The following CNTN6 variants were observed in gnomAD, a reference collection of about 807,000 sequenced individuals.
CNTN6 encodes the protein contactin-6.
Under a neutral mutation model 122.8 loss-of-function variants are expected in CNTN6, and 137 were observed. The observed-to-expected ratio is 1.12, with a 90% CI of 0.97 to 1.29. The LOEUF is 1.29. Ranked by LOEUF, CNTN6 falls within the 50% of genes most tolerant of loss-of-function variation. CNTN6 has a pLI of 0.00. For synonymous variants in CNTN6, 570 were observed against 426.0 expected (o/e 1.34, Z -4.16); for missense variants, 1,634 against 1,223.4 (o/e 1.34, Z -5.01).
At chr3:1,362,454 T>A (rs1707601473) in intron 12 of CNTN6, among the ~76,000 whole-genome samples, 1 of 152,076 alleles carries the variant, frequency 6.6e-6, no homozygotes, top group Admixed American at 6.6e-5. Flanking sequence ...AGAAAGGAAA[T>A]GGCATCTGTT....
At chr3:1,380,868 A>G (rs761935353) in intron 17 of CNTN6, among the ~76,000 whole-genome samples, 1 of 152,154 alleles carries the variant, frequency 6.6e-6, no homozygotes, top group African/African-American at 2.4e-5. Context: ...TAGTTTATCA[A>G]TTTTCATAGA....
At chr3:1,385,843 C>A (rs749497813) in intron 20 of CNTN6, 46 bp downstream of exon 20, 1 of 1,465,916 alleles carries the variant, frequency 6.8e-7, no homozygotes, top group Non-Finnish European at 9.2e-7. Flanking sequence ...CTGTGAAGAG[C>A]AACCTATTCC....
intron 2 of CNTN6, among the ~76,000 whole-genome samples, chr3:1,157,222 T>A (rs1348565300): frequency 3.6e-4 from 36 of 99,642 alleles, no homozygotes; most frequent in Non-Finnish European, 4.0e-5. Flanking sequence ...ATTTATTTAA[T>A]TTATTTATTT....
At chr3:1,241,572 C>G (rs1575378453) in intron 4 of CNTN6, among the ~76,000 whole-genome samples, 1 of 152,070 alleles carries the variant, frequency 6.6e-6, no homozygotes, top group Admixed American at 6.6e-5. Context: ...TATTAAAGGA[C>G]TAAGAATTGG....
At chr3:1,349,623 A>G (rs773935820) in intron 11 of CNTN6, among the ~76,000 whole-genome samples, 48 of 151,858 alleles carry the variant, frequency 3.2e-4, no homozygotes, top group Non-Finnish European at 6.0e-4. Flanking sequence ...GAAAATGCCA[A>G]TTGCTCAGTG....
intron 4 of CNTN6, among the ~76,000 whole-genome samples, chr3:1,268,562 G>A (rs199867662): frequency 0.44 from 59,455 of 134,224 alleles, 14,257 homozygotes; most frequent in East Asian, 0.8. Context: ...AGCCGAGATT[G>A]AGCCACTGCA....
intron 1 of CNTN6, among the ~76,000 whole-genome samples, chr3:1,146,925 AT>A (rs1294918776): frequency 7.2e-5 from 11 of 152,008 alleles, no homozygotes; most frequent in Non-Finnish European, 1.5e-5. Flanking sequence ...AATATTGTTT[AT>A]TTTTCCTGTG....
intron 2 of CNTN6, among the ~76,000 whole-genome samples, chr3:1,186,555 T>A (rs1043392096): frequency 4.6e-5 from 7 of 152,218 alleles, no homozygotes; most frequent in Admixed American, 4.6e-4. Flanking sequence ...TAGGTGTTTT[T>A]CTTTCGTGAA....
At chr3:1,342,341 G>T (rs1191754736) in intron 11 of CNTN6, among the ~76,000 whole-genome samples, 2 of 152,202 alleles carry the variant, frequency 1.3e-5, no homozygotes, top group African/African-American at 2.4e-5. Context: ...TGTTGTTCAG[G>T]CTGGTCTCGA....
At chr3:1,267,526 T>C (rs1223722786) in intron 4 of CNTN6, among the ~76,000 whole-genome samples, 1 of 152,154 alleles carries the variant, frequency 6.6e-6, no homozygotes, top group Non-Finnish European at 1.5e-5. Flanking sequence ...CCTCTCACGG[T>C]ACACCTCTAT....
intron 1 of CNTN6, among the ~76,000 whole-genome samples, chr3:1,119,262 G>C (rs1392369448): frequency 2.0e-5 from 3 of 147,032 alleles, no homozygotes; most frequent in Non-Finnish European, 4.5e-5. Context: ...TTGATGGTCT[G>C]ATTTTAAGCC....
rs775223875 is a variant in CNTN6, at chr3:1,372,797, T to C, written c.1669-41T>C. ...TAACAATAAAGTAGGACTTGTTATATGGGCTTACGTTTTTATCCATTTCTC... is the reference window on the plus strand; with the variant it reads ...TAACAATAAAGTAGGACTTGTTATACGGGCTTACGTTTTTATCCATTTCTC... On this transcript the variant is annotated intron_variant, in intron 13 of 22. Coordinates refer to ENST00000446702, the MANE Select transcript of CNTN6 (RefSeq NM_001289080.2). 2.4e-6 allele frequency: 3 copies of C among 1,228,644 alleles called. No individual in the cohort carries two copies. The South Asian group carries it at 3.9e-5, about 16-fold the overall frequency. 76.1% of individuals were successfully genotyped at this position (1,228,644 alleles called of 1,614,324 possible). A position where few individuals can be genotyped will look rare whatever the true frequency, so the allele number is the denominator to read the frequency against.
chr3:1,289,163 C>T (rs1192506756), intron 5 of CNTN6, among the ~76,000 whole-genome samples: 7 of 147,488 alleles, frequency 4.7e-5, no homozygotes, highest in Non-Finnish European at 1.0e-4. Context: ...GGTTTTTAAA[C>T]TTCCAGTTTG....
At chr3:1,146,088 A>G (rs569735404) in intron 1 of CNTN6, among the ~76,000 whole-genome samples, 1 of 152,202 alleles carries the variant, frequency 6.6e-6, no homozygotes, top group East Asian at 1.9e-4. Context: ...GTAGCCTTTA[A>G]TTACTCTGTA....
At chr3:1,217,869 G>C (rs1483275525) in intron 2 of CNTN6, among the ~76,000 whole-genome samples, 1 of 152,034 alleles carries the variant, frequency 6.6e-6, no homozygotes, top group Admixed American at 6.5e-5. Context: ...CAATATTTGG[G>C]GAAGAAATAT....
At chr3:1,098,396 ATGT>A (rs1275683524) in intron 1 of CNTN6, among the ~76,000 whole-genome samples, 2 of 152,078 alleles carry the variant, frequency 1.3e-5, no homozygotes, top group Admixed American at 6.6e-5. Flanking sequence ...CTGTTGTTTT[ATGT>A]TGTTGTTGTT....
intron 6 of CNTN6, among the ~76,000 whole-genome samples, chr3:1,297,202 C>G (rs1696391092): frequency 6.6e-6 from 1 of 151,792 alleles, no homozygotes; most frequent in African/African-American, 2.4e-5. Context: ...TGACCACCAA[C>G]AATGTATTTA....
intron 2 of CNTN6, among the ~76,000 whole-genome samples, chr3:1,171,168 A>G (rs1410588032): frequency 6.6e-6 from 1 of 152,172 alleles, no homozygotes; most frequent in Non-Finnish European, 1.5e-5. Context: ...TCTACTTCTT[A>G]ATGCTATGAG....
At chr3:1,140,940 T>C (rs1276385803) in intron 1 of CNTN6, among the ~76,000 whole-genome samples, 3 of 152,184 alleles carry the variant, frequency 2.0e-5, no homozygotes, top group Non-Finnish European at 4.4e-5. Context: ...AGCATTATAT[T>C]CTGAAAACAA....
Sources: allele counts gnomAD v4.1 joint callset (sites outside exome capture counted in the v4.1 genomes callset), GRCh38; gene constraint gnomAD v4.1.1; transcripts MANE v1.5; gene names NCBI Gene and HGNC (gene_info 2026-07-23, HGNC 2026-07-21).